Variants in ZNF536 observed in about 807,000 individuals in gnomAD.
The protein encoded by ZNF536 is zinc finger protein 536.
In ZNF536, 13 loss-of-function variants were observed where a neutral mutation model predicts 84.5. That is an observed-to-expected ratio of 0.15 (90% CI 0.10 to 0.24). The LOEUF is 0.24. Among genes scored for constraint, ZNF536 ranks in the 10% least tolerant of loss-of-function variants. The pLI is 1.00. For missense variants in ZNF536, 1,536 were observed against 1,747.5 expected, an observed-to-expected ratio of 0.88 and a Z score of 2.16; for synonymous variants, 811 against 742.5, an observed-to-expected ratio of 1.09 and a Z score of -1.50.
intron 2 of ZNF536, among the ~76,000 whole-genome samples, chr19:30,333,509 C>T (rs2047283554): frequency 6.6e-6 from 1 of 152,346 alleles, no homozygotes; most frequent in South Asian, 2.1e-4. Flanking sequence ...TCCTCTTCAT[C>T]TTCACCTTCC....
chr19:30,310,834 A>T (rs1372637458), intron 2 of ZNF536, among the ~76,000 whole-genome samples: 3 of 152,218 alleles, frequency 2.0e-5, no homozygotes, highest in Non-Finnish European at 4.4e-5. Flanking sequence ...ACTCATTGTT[A>T]TCCAGGGTTC....
intron 3 of ZNF536, among the ~76,000 whole-genome samples, chr19:30,356,400 C>T (rs2048096644): frequency 6.6e-6 from 1 of 152,194 alleles, no homozygotes; most frequent in Non-Finnish European, 1.5e-5. Flanking sequence ...CGAGTCAGCC[C>T]CTCCGTCCTG....
chr19:30,549,465 T>G lies in ZNF536; in HGVS notation c.3846T>G (p.Leu1282=). ...SSDGLAAFNG[L]ASSTANSGCI... is the part of the protein sequence containing the mutation. ...ATGGCTTAGCAGCCTTTAACGGACT[T>G]GCAAGTAGCACAGCAAATTCTGGAT... is the stretch of plus-strand genomic sequence containing the variant. The change falls in exon 4 of 5, where the codon CTT becomes CTG. Residue 1282 remains leucine (L), a synonymous_variant. Transcript: ENST00000355537. 1 of 1,520,584 alleles carries G rather than the reference T, an allele frequency of 6.6e-7. No individual in the cohort carries two copies. Among genetic ancestry groups the G allele is most frequent in the Non-Finnish European group, 8.8e-7 (1 of 1,134,680 alleles). The allele number at this position is 1,520,584 out of a possible 1,614,324, so 94.2% of individuals were successfully genotyped here.
chr19:30,591,069 A>G (rs574677799), intron 1 of ZNF536, among the ~76,000 whole-genome samples: 1 of 152,392 alleles, frequency 6.6e-6, no homozygotes, highest in African/African-American at 2.4e-5. Flanking sequence ...ATGTCAACAG[A>G]CAACTGATAA....
At chr19:30,293,556 CA>C (rs2045907895) in intron 2 of ZNF536, among the ~76,000 whole-genome samples, 2 of 152,152 alleles carry the variant, frequency 1.3e-5, no homozygotes, top group African/African-American at 2.4e-5. Context: ...TGTATTTCAA[CA>C]ATAGGCTTCA....
intron 1 of ZNF536, among the ~76,000 whole-genome samples, chr19:30,608,309 C>T (rs950258137): frequency 2.0e-5 from 3 of 152,172 alleles, no homozygotes; most frequent in African/African-American, 7.2e-5. Flanking sequence ...TTCACCTCAT[C>T]ACAGGAAGTA....
At chr19:30,446,577 T>G (rs189022311) in intron 2 of ZNF536, among the ~76,000 whole-genome samples, 2 of 151,998 alleles carry the variant, frequency 1.3e-5, no homozygotes, top group Non-Finnish European at 1.5e-5. Context: ...CCTTCCAAAA[T>G]TACAACGTGG....
At chr19:30,509,534 ATATATT>A (rs1196772769) in intron 2 of ZNF536, among the ~76,000 whole-genome samples, 1 of 149,222 alleles carries the variant, frequency 6.7e-6, no homozygotes, top group Non-Finnish European at 1.5e-5. Context: ...ATATAGTAAC[ATATATT>A]TATATATAAT....
intron 1 of ZNF536, among the ~76,000 whole-genome samples, chr19:30,438,763 G>A (rs932365392): frequency 6.6e-6 from 1 of 152,092 alleles, no homozygotes; most frequent in Non-Finnish European, 1.5e-5. Flanking sequence ...CTGCAGCCTC[G>A]ACTTCCCAAG....
intron 1 of ZNF536, among the ~76,000 whole-genome samples, chr19:30,678,402 G>A (rs1021318555): frequency 1.3e-5 from 2 of 152,124 alleles, no homozygotes; most frequent in Non-Finnish European, 2.9e-5. Context: ...GTGCAGAGCC[G>A]ATCCAGCCCA....
chr19:30,569,633 T>C (rs1271811492), intron 1 of ZNF536, among the ~76,000 whole-genome samples: 1 of 138,604 alleles, frequency 7.2e-6, no homozygotes, highest in African/African-American at 2.8e-5. Context: ...TGCAGTGGCA[T>C]GATCTCCACT....
At chr19:30,415,140 CCTT>C (rs1380723921) in intron 1 of ZNF536, among the ~76,000 whole-genome samples, 1 of 133,860 alleles carries the variant, frequency 7.5e-6, no homozygotes, top group African/African-American at 2.9e-5. Flanking sequence ...TCCTCCTTTT[CCTT>C]CTTCTCCTCC....
chr19:30,388,160 G>A (rs1043737445), intron 1 of ZNF536, among the ~76,000 whole-genome samples: 1 of 152,176 alleles, frequency 6.6e-6, no homozygotes, highest in African/African-American at 2.4e-5. Flanking sequence ...AGATTTCCCG[G>A]GGGAGTGAGT....
intron 1 of ZNF536, among the ~76,000 whole-genome samples, chr19:30,695,739 C>A (rs2051630096): frequency 6.6e-6 from 1 of 152,126 alleles, no homozygotes; most frequent in African/African-American, 2.4e-5. Context: ...GATGGTGTGG[C>A]TTTCTTCTGC....
chr19:30,637,732 A>G (rs550061106), intron 1 of ZNF536, among the ~76,000 whole-genome samples: 1 of 152,238 alleles, frequency 6.6e-6, no homozygotes, highest in Non-Finnish European at 1.5e-5. Context: ...CTCTTTTGAG[A>G]TACTTGGCGA....
intron 1 of ZNF536, among the ~76,000 whole-genome samples, chr19:30,439,959 C>CTTTCT (rs2051949386): frequency 4.1e-5 from 4 of 96,396 alleles, no homozygotes; most frequent in African/African-American, 1.8e-4. Context: ...TTCTTTCTTT[C>CTTTCT]TTTTTTTTTT....
intron 1 of ZNF536, among the ~76,000 whole-genome samples, chr19:30,266,455 G>T (rs971662169): frequency 5.9e-5 from 9 of 152,128 alleles, no homozygotes; most frequent in Non-Finnish European, 1.3e-4. Flanking sequence ...ACCCAGTGGT[G>T]GCTTCCCCAA....
intron 1 of ZNF536, among the ~76,000 whole-genome samples, chr19:30,263,065 C>T (rs934671037): frequency 3.3e-5 from 5 of 152,008 alleles, no homozygotes; most frequent in African/African-American, 9.7e-5. Flanking sequence ...GTCCTGGTGT[C>T]CCCTAGGTGA....
chr19:30,580,567 G>C (rs2046886216), intron 1 of ZNF536, among the ~76,000 whole-genome samples: 1 of 152,132 alleles, frequency 6.6e-6, no homozygotes, highest in African/African-American at 2.4e-5. Flanking sequence ...CTGTAGTGGT[G>C]CTGGGAGCAA....
Sources: allele counts gnomAD v4.1 joint callset (sites outside exome capture counted in the v4.1 genomes callset), GRCh38; gene constraint gnomAD v4.1.1; transcripts MANE v1.5; gene names NCBI Gene and HGNC (gene_info 2026-07-23, HGNC 2026-07-21).